Variants in CEP89 observed in about 807,000 individuals in gnomAD.
CEP89 encodes centrosomal protein of 89 kDa.
Under a neutral mutation model 97.6 loss-of-function variants are expected in CEP89, and 95 were observed. That is an observed-to-expected ratio of 0.97 (90% CI 0.82 to 1.15). The LOEUF is 1.15. CEP89 is among the 50% of genes most tolerant of loss of function. The pLI is 0.00. For synonymous variants in CEP89, 354 were observed against 349.1 expected (o/e 1.01, Z -0.16); for missense variants, 869 against 947.7 (o/e 0.92, Z 1.09).
At chr19:32,933,372 A>C in intron 8 of CEP89, 79 bp downstream of exon 8, 1 of 1,053,752 alleles carries the variant, frequency 9.5e-7, no homozygotes. Flanking sequence ...CAAATATCAC[A>C]ACATAAAATA....
At position 32,913,318 on chromosome 19, in the gene CEP89, TG is replaced by T. The variant is rs879601982; in HGVS notation, c.1565+2018del. On this transcript the variant is annotated intron_variant, in intron 14 of 18. Transcript: ENST00000305768. ...ATATATATATATATTTTTTTGTTGT[TG>T]TTGTTGTTGTTGTTGTTGTTGTTTC... Among the ~76,000 whole-genome samples the T allele has an allele frequency of 3.6e-3, 345 of 95,500 alleles. 1 individual carries two copies. Among genetic ancestry groups the T allele is most frequent in the Non-Finnish European group, 5.8e-3 (250 of 43,382 alleles). The allele number at this position is 95,500 out of a possible 152,430, so 62.7% of individuals were successfully genotyped here.
chr19:32,954,361 T>C lies in CEP89; in HGVS notation c.306-560A>G, dbSNP rs143252190. ...TTTGTCTTGTTATGAATAAGGGTTT[T>C]TTGTTTTTTTGTTTTTTTTTTGAGA... is the stretch of plus-strand genomic sequence containing the variant. On this transcript the variant is annotated intron_variant, in intron 3 of 18. Transcript: ENST00000305768. Among the ~76,000 whole-genome samples the C allele has an allele frequency of 3.4e-3, 437 of 127,676 alleles. 2 individuals are homozygous for C. The highest frequency in any genetic ancestry group is 0.012 in the African/African-American group (414 of 34,526). 83.8% of individuals were successfully genotyped at this position (127,676 alleles called of 152,430 possible).
At chr19:32,905,742 A>G (rs554504854) in intron 14 of CEP89, among the ~76,000 whole-genome samples, 130 of 152,308 alleles carry the variant, frequency 8.5e-4, no homozygotes, top group African/African-American at 2.8e-3. Context: ...TGTTTGAGAC[A>G]GGGTCTCACT....
intron 5 of CEP89, among the ~76,000 whole-genome samples, chr19:32,946,133 T>C (rs1349017785): frequency 6.6e-6 from 1 of 152,198 alleles, no homozygotes; most frequent in East Asian, 1.9e-4. Flanking sequence ...GGTCTCACTC[T>C]GTCACCTAGG....
intron 1 of CEP89, among the ~76,000 whole-genome samples, chr19:32,968,490 C>T (rs572042382): frequency 1.8e-4 from 28 of 152,312 alleles, no homozygotes; most frequent in African/African-American, 6.7e-4. Flanking sequence ...TCAGGCAATC[C>T]GCCTGCCTTG....
intron 13 of CEP89, among the ~76,000 whole-genome samples, chr19:32,916,012 C>A (rs771776597): frequency 2.6e-5 from 4 of 151,926 alleles, no homozygotes; most frequent in Admixed American, 2.0e-4. Flanking sequence ...GGCACAGTGA[C>A]TCATACCTGT....
chr19:32,920,445 T>C (rs1970224072), intron 12 of CEP89, among the ~76,000 whole-genome samples: 1 of 152,134 alleles, frequency 6.6e-6, no homozygotes, highest in African/African-American at 2.4e-5. Context: ...ATCTCAGATT[T>C]GGTTTAACAC....
At chr19:32,929,418 A>T (rs567390329) in intron 9 of CEP89, among the ~76,000 whole-genome samples, 18 of 152,254 alleles carry the variant, frequency 1.2e-4, no homozygotes, top group African/African-American at 4.1e-4. Flanking sequence ...CCTGGCCAAC[A>T]TGGTGAAACC....
intron 5 of CEP89, among the ~76,000 whole-genome samples, chr19:32,940,792 C>T (rs1970672719): frequency 2.0e-5 from 3 of 149,096 alleles, no homozygotes; most frequent in South Asian, 2.2e-4. Flanking sequence ...GACGGAGTCT[C>T]ACTCTGTCCC....
intron 5 of CEP89, among the ~76,000 whole-genome samples, chr19:32,944,368 G>A (rs567182069): frequency 5.3e-5 from 8 of 152,226 alleles, no homozygotes; most frequent in South Asian, 2.1e-4. Flanking sequence ...TGAGTGCTTC[G>A]AAGAGTAAAG....
intron 12 of CEP89, among the ~76,000 whole-genome samples, chr19:32,922,219 AG>A (rs1389419768): frequency 6.6e-6 from 1 of 152,136 alleles, no homozygotes; most frequent in Non-Finnish European, 1.5e-5. Context: ...GTACCGGGAC[AG>A]GGCATGTGTT....
At chr19:32,904,392 A>G (rs892192042) in intron 14 of CEP89, among the ~76,000 whole-genome samples, 2 of 152,188 alleles carry the variant, frequency 1.3e-5, no homozygotes, top group African/African-American at 4.8e-5. Flanking sequence ...CAAACTACCA[A>G]AAACCTGTCA....
chr19:32,964,598 G>T (rs1971241660), intron 2 of CEP89, among the ~76,000 whole-genome samples: 1 of 152,216 alleles, frequency 6.6e-6, no homozygotes, highest in Non-Finnish European at 1.5e-5. Context: ...TACTCAGTAA[G>T]GAAAAGGATG....
chr19:32,923,378 A>G (rs1970291211), intron 12 of CEP89, 61 bp downstream of exon 12: 8 of 805,856 alleles, frequency 9.9e-6, no homozygotes, highest in Non-Finnish European at 8.3e-6. Flanking sequence ...ATTTTATAAC[A>G]TATTTTCCTG....
intron 7 of CEP89, 134 bp downstream of exon 7, chr19:32,937,497 C>A: frequency 1.3e-6 from 1 of 767,098 alleles, no homozygotes; most frequent in Non-Finnish European, 2.2e-6. Context: ...TGGACCCTCT[C>A]TTTTGAGGCA....
chr19:32,894,103 G>A (rs1412664265), intron 16 of CEP89, among the ~76,000 whole-genome samples: 1 of 152,170 alleles, frequency 6.6e-6, no homozygotes, highest in Non-Finnish European at 1.5e-5. Context: ...GAGGCAGGAG[G>A]ATTGCTTGAA....
chr19:32,894,003 C>T (rs550427658), intron 16 of CEP89, among the ~76,000 whole-genome samples: 1 of 152,092 alleles, frequency 6.6e-6, no homozygotes, highest in Non-Finnish European at 1.5e-5. Context: ...ACAAACAGAA[C>T]CCAAAATTAG....
At chr19:32,899,024 A>T (rs990459576) in intron 16 of CEP89, among the ~76,000 whole-genome samples, 3 of 152,016 alleles carry the variant, frequency 2.0e-5, no homozygotes, top group Admixed American at 6.6e-5. Flanking sequence ...AATATTTTTT[A>T]AAATGTAAAA....
At chr19:32,925,307 G>A (rs776752569) in intron 11 of CEP89, among the ~76,000 whole-genome samples, 4 of 152,088 alleles carry the variant, frequency 2.6e-5, no homozygotes, top group Non-Finnish European at 4.4e-5. Flanking sequence ...TCCGCTGCGC[G>A]AAGTCATTCC....
Sources: gnomAD v4.1 joint callset for allele counts (sites outside exome capture counted in the v4.1 genomes callset) on GRCh38, gnomAD v4.1.1 for gene constraint, MANE v1.5 for transcripts, NCBI Gene and HGNC (gene_info 2026-07-23, HGNC 2026-07-21) for gene names.